The following VPS8 variants were observed in gnomAD, a reference collection of about 807,000 sequenced individuals.
The protein encoded by VPS8 is vacuolar protein sorting-associated protein 8 homolog.
Under a neutral mutation model 216.4 loss-of-function variants are expected in VPS8, and 129 were observed. The ratio of observed to expected loss-of-function variants is 0.60; its 90% CI spans 0.52 to 0.69. VPS8 has a LOEUF of 0.69. VPS8 is among the 30% of genes least tolerant of loss of function. The pLI, the probability that VPS8 is intolerant of heterozygous loss-of-function variation, is 0.00. For missense variants in VPS8, 1,531 were observed against 1,683.5 expected, an observed-to-expected ratio of 0.91 and a Z score of 1.59; for synonymous variants, 571 against 565.4, an observed-to-expected ratio of 1.01 and a Z score of -0.14.
At chr3:184,894,305 C>A (rs1479959993) in intron 22 of VPS8, among the ~76,000 whole-genome samples, 1 of 151,892 alleles carries the variant, frequency 6.6e-6, no homozygotes. Flanking sequence ...ATTATCTGTT[C>A]CCATGTCAGT....
intron 37 of VPS8, among the ~76,000 whole-genome samples, chr3:184,959,821 A>G (rs1468678710): frequency 6.7e-6 from 1 of 150,190 alleles, no homozygotes; most frequent in African/African-American, 2.5e-5. Context: ...TTTCCCTTCT[A>G]TTCTTTTATT....
At chr3:184,995,244 A>G (rs1752464489) in intron 43 of VPS8, among the ~76,000 whole-genome samples, 2 of 152,212 alleles carry the variant, frequency 1.3e-5, no homozygotes, top group African/African-American at 4.8e-5. Context: ...CCACCTAGGA[A>G]AAGTACCATT....
chr3:184,873,299 T>C lies in VPS8; in HGVS notation c.1734+2494T>C, dbSNP rs141704282. 1.1e-3 allele frequency among the ~76,000 whole-genome samples: 164 copies of C among 152,226 alleles called. 1 individual carries two copies. Among genetic ancestry groups the C allele is most frequent in the African/African-American group, 3.8e-3 (159 of 41,542 alleles). On this transcript the variant is annotated intron_variant, in intron 21 of 47. Transcript: ENST00000625842. ...CAAAGCCCAGTTCTTAGCTAATCAT[T>C]GTATTATACTGTTATTTTAAGAGCA...
At chr3:184,906,092 A>G (rs1020636394) in intron 25 of VPS8, among the ~76,000 whole-genome samples, 1 of 152,104 alleles carries the variant, frequency 6.6e-6, no homozygotes, top group Non-Finnish European at 1.5e-5. Context: ...TTAAGTGTTT[A>G]CAGCTACAAA....
At chr3:185,045,884 A>G (rs560479320) in intron 46 of VPS8, among the ~76,000 whole-genome samples, 2 of 152,180 alleles carry the variant, frequency 1.3e-5, no homozygotes, top group East Asian at 1.9e-4. Context: ...GAGCTTTGCA[A>G]TGTGCTGGCA....
At chr3:184,898,694 C>G in intron 24 of VPS8, 40 bp downstream of exon 24, 1 of 1,455,832 alleles carries the variant, frequency 6.9e-7, no homozygotes, top group Non-Finnish European at 9.2e-7. Context: ...TTAATTTTGT[C>G]TACTAACTTT....
chr3:185,013,764 C>A lies in VPS8; in HGVS notation c.4003-10572C>A, dbSNP rs372369525. ...ATAGGAACTCTTACCGTACTTCTTACCATTTCTACCATCTGACCATTTTGT... is the reference window on the plus strand; with the variant it reads ...ATAGGAACTCTTACCGTACTTCTTAACATTTCTACCATCTGACCATTTTGT... On this transcript the variant is annotated intron_variant, in intron 45 of 47. Coordinates refer to ENST00000625842, the MANE Select transcript of VPS8 (RefSeq NM_001009921.3). Among the ~76,000 whole-genome samples, 578 of 152,342 alleles carry A rather than the reference C, an allele frequency of 3.8e-3. 3 individuals are homozygous for A. The highest frequency in any genetic ancestry group is 0.013 in the African/African-American group (555 of 41,578).
intron 45 of VPS8, among the ~76,000 whole-genome samples, chr3:185,017,742 T>C (rs912734071): frequency 6.6e-6 from 1 of 152,158 alleles, no homozygotes. Context: ...AAATCTACTG[T>C]GGCACTACCG....
chr3:184,928,602 C>T, intron 32 of VPS8, 69 bp downstream of exon 32: 1 of 1,170,480 alleles, frequency 8.5e-7, no homozygotes, highest in South Asian at 2.8e-5. Context: ...TAACTTAAAG[C>T]TCAGTTTATT....
chr3:184,999,635 A>C, intron 44 of VPS8, 61 bp from the exon 45 acceptor site: 4 of 1,519,524 alleles, frequency 2.6e-6, no homozygotes, highest in Non-Finnish European at 3.5e-6. Flanking sequence ...TACACTTACA[A>C]GCTTATATTT....
At chr3:184,817,232 C>T (rs1398552719) in intron 1 of VPS8, 1 of 134,382 alleles carries the variant, frequency 7.4e-6, no homozygotes, top group African/African-American at 2.8e-5. Flanking sequence ...GCCAGTGATG[C>T]AGTCTTGCTT....
intron 46 of VPS8, among the ~76,000 whole-genome samples, chr3:185,024,880 T>A (rs1757133700): frequency 6.6e-6 from 1 of 152,050 alleles, no homozygotes; most frequent in Non-Finnish European, 1.5e-5. Context: ...TGCATGCCTG[T>A]AATCCCAGCT....
intron 5 of VPS8, among the ~76,000 whole-genome samples, chr3:184,837,682 ATAGAGTCTG>A (rs1321137312): frequency 1.3e-5 from 2 of 152,178 alleles, no homozygotes; most frequent in Admixed American, 6.5e-5. Flanking sequence ...AGTTTGTTAA[ATAGAGTCTG>A]TAGAGTCTGC....
intron 8 of VPS8, among the ~76,000 whole-genome samples, chr3:184,847,310 G>A (rs376241564): frequency 2.4e-4 from 36 of 152,318 alleles, no homozygotes; most frequent in Admixed American, 1.3e-4. Context: ...CTCTGAATGG[G>A]CAAAAGGACT....
At chr3:185,039,585 A>G (rs112827209) in intron 46 of VPS8, among the ~76,000 whole-genome samples, 3 of 152,196 alleles carry the variant, frequency 2.0e-5, no homozygotes, top group Non-Finnish European at 4.4e-5. Context: ...GGGAGACAGG[A>G]GTCCAGCTCA....
chr3:185,035,841 A>T (rs1411584525), intron 46 of VPS8, among the ~76,000 whole-genome samples: 4 of 152,222 alleles, frequency 2.6e-5, no homozygotes, highest in African/African-American at 9.6e-5. Flanking sequence ...TGATAATATG[A>T]TTCTATACCT....
intron 1 of VPS8, among the ~76,000 whole-genome samples, chr3:184,822,579 A>G (rs1270338809): frequency 6.6e-6 from 1 of 152,210 alleles, no homozygotes; most frequent in Non-Finnish European, 1.5e-5. Flanking sequence ...ACTATTTTTG[A>G]AAAATGTGTA....
chr3:184,947,217 G>A (rs898569444), intron 36 of VPS8, among the ~76,000 whole-genome samples: 1 of 152,180 alleles, frequency 6.6e-6, no homozygotes, highest in Non-Finnish European at 1.5e-5. Flanking sequence ...GATAGAGGCG[G>A]GAGCAGAGAG....
chr3:184,840,999 G>A (rs1035269325), intron 7 of VPS8, among the ~76,000 whole-genome samples: 2 of 152,070 alleles, frequency 1.3e-5, no homozygotes, highest in Admixed American at 6.5e-5. Flanking sequence ...TATAAATTTT[G>A]TATTATGACA....
Sources: allele counts gnomAD v4.1 joint callset (sites outside exome capture counted in the v4.1 genomes callset), GRCh38; gene constraint gnomAD v4.1.1; transcripts MANE v1.5; gene names NCBI Gene and HGNC (gene_info 2026-07-23, HGNC 2026-07-21).